The following NUAK1 variants were observed in gnomAD, a reference collection of about 807,000 sequenced individuals.
NUAK1 encodes NUAK family kinase 1.
Under a neutral mutation model 56.9 loss-of-function variants are expected in NUAK1, and 26 were observed. That is an observed-to-expected ratio of 0.46 (90% CI 0.33 to 0.63). The LOEUF is 0.63. Ranked by LOEUF, NUAK1 falls within the 30% of genes least tolerant of loss-of-function variation. The pLI, the probability that NUAK1 is intolerant of heterozygous loss-of-function variation, is 0.02. For missense variants in NUAK1, 727 were observed against 876.1 expected (o/e 0.83, Z 2.15); for synonymous variants, 337 against 336.0 (o/e 1.00, Z -0.03).
intron 1 of NUAK1, among the ~76,000 whole-genome samples, chr12:106,121,923 A>C (rs2032981734): frequency 6.6e-6 from 1 of 152,214 alleles, no homozygotes; most frequent in Admixed American, 6.5e-5. Flanking sequence ...CTGAGTCACA[A>C]GTAGCAAAAG....
chr12:106,136,261 C>G (rs1436016098), intron 1 of NUAK1, among the ~76,000 whole-genome samples: 2 of 152,112 alleles, frequency 1.3e-5, no homozygotes, highest in African/African-American at 4.8e-5. Flanking sequence ...AGAGATTTAG[C>G]TGAAATTAAT....
Position 106,128,574 on chromosome 12 carries a change from C to T in NUAK1, c.240+9840G>A, listed in dbSNP as rs545110048. ...AGTGAAATGGCAGCAGCCAGCAAGG[C>T]TTCGTTTGAACCTGCTGCAATCAAG... On this transcript the variant is annotated intron_variant, in intron 1 of 6. Transcript: ENST00000261402. 2.0e-5 allele frequency among the ~76,000 whole-genome samples: 3 copies of T among 152,344 alleles called. No homozygotes were observed. The South Asian group carries it at 6.2e-4, about 32-fold the overall frequency.
chr12:106,137,032 A>G (rs2033136050), intron 1 of NUAK1, among the ~76,000 whole-genome samples: 1 of 151,634 alleles, frequency 6.6e-6, no homozygotes, highest in Admixed American at 6.6e-5. Flanking sequence ...AATGTACGCC[A>G]TCTCAAATTT....
chr12:106,114,391 T>C (rs138966438), intron 1 of NUAK1, among the ~76,000 whole-genome samples: 93 of 152,338 alleles, frequency 6.1e-4, no homozygotes, highest in African/African-American at 2.2e-3. Flanking sequence ...ACCGGCTCAG[T>C]TTCCTCACCT....
chr12:106,085,765 G>A (rs1279198452), intron 3 of NUAK1, among the ~76,000 whole-genome samples: 2 of 152,100 alleles, frequency 1.3e-5, no homozygotes, highest in African/African-American at 4.8e-5. Flanking sequence ...GGAGAGCAGT[G>A]GCACCATCAT....
In NUAK1 at chr12:106,131,260, A is replaced by T. The variant is rs117679598; in HGVS notation, c.240+7154T>A. On this transcript the variant is annotated intron_variant, in intron 1 of 6. Transcript: ENST00000261402. ...TGCACAATTCAGGGGTTTTTAGTAT[A>T]TTCGGAGGGGTGCAACCATCATCAC... 1.1e-3 allele frequency among the ~76,000 whole-genome samples: 175 copies of T among 152,242 alleles called. 1 individual carries two copies. The East Asian group carries it at 0.015, about 13-fold the overall frequency.
chr12:106,123,560 G>A (rs1350802258), intron 1 of NUAK1, among the ~76,000 whole-genome samples: 2 of 152,226 alleles, frequency 1.3e-5, no homozygotes, highest in African/African-American at 4.8e-5. Flanking sequence ...TGAGCTATGA[G>A]GAGGGGAAGA....
intron 2 of NUAK1, among the ~76,000 whole-genome samples, chr12:106,096,580 A>G (rs2032699152): frequency 1.3e-5 from 2 of 152,310 alleles, no homozygotes; most frequent in South Asian, 2.1e-4. Context: ...ACTATTTGCC[A>G]TGGGTTCAAA....
intron 2 of NUAK1, among the ~76,000 whole-genome samples, chr12:106,104,459 G>A (rs985699184): frequency 2.6e-5 from 4 of 152,200 alleles, no homozygotes; most frequent in Admixed American, 6.5e-5. Flanking sequence ...ACTGAACAGA[G>A]TGCTTAACAC....
intron 1 of NUAK1, among the ~76,000 whole-genome samples, chr12:106,113,788 A>C (rs756255541): frequency 1.3e-5 from 2 of 151,676 alleles, no homozygotes; most frequent in Non-Finnish European, 2.9e-5. Flanking sequence ...TGGTAAATGG[A>C]AAGTTTGCTT....
chr12:106,124,548 C>T (rs935688842), intron 1 of NUAK1, among the ~76,000 whole-genome samples: 1 of 152,136 alleles, frequency 6.6e-6, no homozygotes, highest in Non-Finnish European at 1.5e-5. Context: ...TCAGCAACTG[C>T]CACTTTGAAA....
chr12:106,115,756 G>A (rs1431980883), intron 1 of NUAK1, among the ~76,000 whole-genome samples: 1 of 152,218 alleles, frequency 6.6e-6, no homozygotes, highest in Admixed American at 6.5e-5. Flanking sequence ...CCCCAGACGA[G>A]CATTTCCTGC....
chr12:106,115,065 A>G (rs1269694423), intron 1 of NUAK1, among the ~76,000 whole-genome samples: 1 of 152,160 alleles, frequency 6.6e-6, no homozygotes, highest in Non-Finnish European at 1.5e-5. Context: ...TTTTCATCCT[A>G]TTATTTCTTA....
chr12:106,081,769 G>A (rs1191782855), intron 4 of NUAK1, among the ~76,000 whole-genome samples: 1 of 152,192 alleles, frequency 6.6e-6, no homozygotes, highest in Non-Finnish European at 1.5e-5. Flanking sequence ...GGGACCAAGA[G>A]GTCACACTGC....
chr12:106,101,955 G>A (rs2032753819), intron 2 of NUAK1, among the ~76,000 whole-genome samples: 2 of 152,294 alleles, frequency 1.3e-5, no homozygotes, highest in South Asian at 2.1e-4. Flanking sequence ...GAGAGGTGTA[G>A]GAGCTGGAAT....
intron 4 of NUAK1, among the ~76,000 whole-genome samples, chr12:106,080,976 A>T (rs929301334): frequency 4.6e-5 from 7 of 152,236 alleles, no homozygotes; most frequent in Admixed American, 2.0e-4. Flanking sequence ...CAAAATGCTG[A>T]GTCAGGAAGA....
chr12:106,106,626 G>T, intron 1 of NUAK1, 101 bp from the exon 2 acceptor site: 2 of 1,267,298 alleles, frequency 1.6e-6, no homozygotes, highest in Non-Finnish European at 2.2e-6. Context: ...CTTGTTGGCA[G>T]AACTGACAAT....
At chr12:106,136,154 A>C (rs2033127469) in intron 1 of NUAK1, among the ~76,000 whole-genome samples, 1 of 152,226 alleles carries the variant, frequency 6.6e-6, no homozygotes, top group African/African-American at 2.4e-5. Context: ...AGGAGAAAGC[A>C]GCCCCATGAA....
Position 106,069,808 on chromosome 12 carries a change from C to T in NUAK1, c.832+966G>A, listed in dbSNP as rs12302325. On this transcript the variant is annotated intron_variant, in intron 6 of 6. Coordinates refer to ENST00000261402, the MANE Select transcript of NUAK1 (RefSeq NM_014840.3). ...ATACAGATATACATATATATATATG[C>T]GTGTGTATAGTATGTATATAAATGA... 2.6e-3 allele frequency among the ~76,000 whole-genome samples: 390 copies of T among 152,052 alleles called. 1 individual carries two copies. Among genetic ancestry groups the T allele is most frequent in the African/African-American group, 8.8e-3 (366 of 41,436 alleles).
Sources: gnomAD v4.1 joint callset for allele counts (sites outside exome capture counted in the v4.1 genomes callset) on GRCh38, gnomAD v4.1.1 for gene constraint, MANE v1.5 for transcripts, NCBI Gene and HGNC (gene_info 2026-07-23, HGNC 2026-07-21) for gene names.